CALN1: variants seen among roughly 807,000 people sequenced by gnomAD.
The protein encoded by CALN1 is calcium-binding protein 8.
Under a neutral mutation model 30.6 loss-of-function variants are expected in CALN1, and 17 were observed. The observed-to-expected ratio is 0.56, with a 90% CI of 0.38 to 0.83. The LOEUF (loss-of-function observed/expected upper bound fraction) is 0.83. Ranked by LOEUF, CALN1 falls within the 40% of genes least tolerant of loss-of-function variation. The probability of loss-of-function intolerance (pLI) is 0.00; values close to 1 mark genes in which losing one functional copy is unlikely to be tolerated. For missense variants in CALN1, 291 were observed against 354.9 expected (o/e 0.82, Z 1.45); for synonymous variants, 156 against 131.4 (o/e 1.19, Z -1.28).
the CALN1 span, among the ~76,000 whole-genome samples, chr7:72,490,016 TG>T: frequency 6.6e-6 from 1 of 152,206 alleles, no homozygotes; most frequent in Non-Finnish European, 1.5e-5. Flanking sequence ...TTACTTTCTT[TG>T]GTGTCTTTGC....
chr7:72,099,435 G>C (rs998015736), intron 4 of CALN1, among the ~76,000 whole-genome samples: 1 of 151,880 alleles, frequency 6.6e-6, no homozygotes. Flanking sequence ...ACAGAAGCGA[G>C]GAAGGAAGGA....
chr7:71,972,123 A>T (rs1290561692), intron 5 of CALN1, among the ~76,000 whole-genome samples: 1 of 152,120 alleles, frequency 6.6e-6, no homozygotes, highest in Non-Finnish European at 1.5e-5. Context: ...ATAGACAAGT[A>T]AATGAATACA....
intron 3 of CALN1, among the ~76,000 whole-genome samples, chr7:72,146,654 T>C (rs1004301718): frequency 6.6e-6 from 1 of 152,166 alleles, no homozygotes; most frequent in Non-Finnish European, 1.5e-5. Context: ...AGAGCCCACA[T>C]TGCCAAGTCA....
chr7:71,932,670 A>C (rs1296303843), intron 5 of CALN1, among the ~76,000 whole-genome samples: 1 of 151,446 alleles, frequency 6.6e-6, no homozygotes, highest in Non-Finnish European at 1.5e-5. Flanking sequence ...AAAAAAAATT[A>C]GCTGGGCGTG....
chr7:72,051,248 A>G (rs1802819823), intron 4 of CALN1, among the ~76,000 whole-genome samples: 1 of 151,958 alleles, frequency 6.6e-6, no homozygotes, highest in Admixed American at 6.6e-5. Flanking sequence ...AATCGAATCC[A>G]GAAAGAAGAA....
intron 4 of CALN1, among the ~76,000 whole-genome samples, chr7:72,035,629 T>C (rs1475464501): frequency 6.6e-6 from 1 of 152,232 alleles, no homozygotes; most frequent in Non-Finnish European, 1.5e-5. Flanking sequence ...ATATCTATTT[T>C]CTTTGTAGTT....
At chr7:72,205,542 C>CA (rs375314989) in intron 3 of CALN1, among the ~76,000 whole-genome samples, 4,247 of 52,286 alleles carry the variant, frequency 0.081, 665 homozygotes, top group East Asian at 0.62. Flanking sequence ...CTCCTGATTG[C>CA]AAAAAAAAAA....
chr7:72,142,872 A>G (rs1458967039), intron 3 of CALN1, among the ~76,000 whole-genome samples: 1 of 152,198 alleles, frequency 6.6e-6, no homozygotes, highest in Non-Finnish European at 1.5e-5. Flanking sequence ...CAAGGTCTGG[A>G]GTGGACCTCC....
intron 5 of CALN1, among the ~76,000 whole-genome samples, chr7:71,818,716 ATTT>A (rs1788415288): frequency 7.2e-6 from 1 of 138,116 alleles, no homozygotes; most frequent in East Asian, 2.0e-4. Flanking sequence ...TTATTTATTT[ATTT>A]ATTTTTTTGA....
At chr7:72,365,148 T>C (rs1562924589) in intron 2 of CALN1, among the ~76,000 whole-genome samples, 2 of 152,036 alleles carry the variant, frequency 1.3e-5, no homozygotes, top group Non-Finnish European at 2.9e-5. Flanking sequence ...CTACTAAAAA[T>C]ACAAAAATTA....
intron 3 of CALN1, among the ~76,000 whole-genome samples, chr7:72,271,575 A>AAAAAAAATATATATATATATATAT: frequency 6.9e-4 from 36 of 52,116 alleles, no homozygotes; most frequent in Middle Eastern, 0.012. Context: ...AAAAAAAAAA[A>AAAAAAAATATATATATATATATAT]ATATATATAT....
At chr7:72,336,015 C>A (rs920973432) in intron 2 of CALN1, among the ~76,000 whole-genome samples, 19 of 152,210 alleles carry the variant, frequency 1.2e-4, no homozygotes, top group Non-Finnish European at 2.2e-4. Flanking sequence ...ATCCCACCCC[C>A]ACCTGGGCGC....
intron 4 of CALN1, among the ~76,000 whole-genome samples, chr7:72,095,308 T>C (rs114812943): frequency 0.011 from 1,637 of 152,300 alleles, 29 homozygotes; most frequent in African/African-American, 0.038. Flanking sequence ...TTAGCTAGTA[T>C]TATTGTTATC....
intron 3 of CALN1, among the ~76,000 whole-genome samples, chr7:72,121,850 ATATC>A (rs1174341430): frequency 1.4e-5 from 2 of 147,624 alleles, no homozygotes; most frequent in African/African-American, 4.9e-5. Context: ...TATCATTATA[ATATC>A]TATTATATAA....
intron 3 of CALN1, 63 bp downstream of exon 3, chr7:72,278,623 A>C: frequency 1.9e-6 from 3 of 1,585,326 alleles, no homozygotes; most frequent in Non-Finnish European, 2.6e-6. Flanking sequence ...ATTGAGCTTC[A>C]CAATAGCCAG....
intron 4 of CALN1, among the ~76,000 whole-genome samples, chr7:72,088,582 C>A (rs371257740): frequency 6.6e-6 from 1 of 151,598 alleles, no homozygotes; most frequent in African/African-American, 2.4e-5. Context: ...GCCTGTAATC[C>A]GACCTACTCG....
chr7:72,038,719 T>C (rs1447755690), intron 4 of CALN1, among the ~76,000 whole-genome samples: 2 of 152,140 alleles, frequency 1.3e-5, no homozygotes, highest in Admixed American at 6.6e-5. Context: ...AAAACCAAGA[T>C]GGCAACGAGA....
At chr7:72,082,726 T>C (rs1378231873) in intron 4 of CALN1, among the ~76,000 whole-genome samples, 3 of 152,160 alleles carry the variant, frequency 2.0e-5, no homozygotes, top group Non-Finnish European at 2.9e-5. Flanking sequence ...TGAACCAACT[T>C]CAACTAAAGC....
chr7:72,248,723 A>T, intron 3 of CALN1, among the ~76,000 whole-genome samples: 1 of 151,976 alleles, frequency 6.6e-6, no homozygotes, highest in East Asian at 1.9e-4. Flanking sequence ...AAGTGTCAGG[A>T]ATTAGGACAC....
Sources: allele counts gnomAD v4.1 joint callset (sites outside exome capture counted in the v4.1 genomes callset), GRCh38; gene constraint gnomAD v4.1.1; transcripts MANE v1.5; gene names NCBI Gene and HGNC (gene_info 2026-07-23, HGNC 2026-07-21).